Variants in LRMDA observed in about 807,000 individuals in gnomAD.
The protein encoded by LRMDA is leucine rich melanocyte differentiation associated.
A neutral mutation model predicts 29.8 loss-of-function variants in LRMDA; 18 were observed. The observed-to-expected ratio is 0.60, with a 90% CI of 0.42 to 0.90. LRMDA has a LOEUF of 0.90. Among genes scored for constraint, LRMDA ranks in the 40% least tolerant of loss-of-function variants. The pLI is 0.00. For missense variants in LRMDA, 273 were observed against 273.9 expected (o/e 1.00, Z 0.02); for synonymous variants, 125 against 109.4 (o/e 1.14, Z -0.89).
chr10:75,958,019 C>T (rs1429798897), intron 2 of LRMDA, among the ~76,000 whole-genome samples: 1 of 151,812 alleles, frequency 6.6e-6, no homozygotes, highest in African/African-American at 2.4e-5. Context: ...GTGCAGAGGG[C>T]AAAAAGGAGA....
chr10:76,220,324 C>T (rs1851807281), intron 5 of LRMDA, among the ~76,000 whole-genome samples: 1 of 151,988 alleles, frequency 6.6e-6, no homozygotes, highest in African/African-American at 2.4e-5. Context: ...TTAATGAATC[C>T]AGGAGCTGGT....
At chr10:76,054,623 T>G (rs1401334651) in intron 4 of LRMDA, among the ~76,000 whole-genome samples, 1 of 151,852 alleles carries the variant, frequency 6.6e-6, no homozygotes, top group African/African-American at 2.4e-5. Flanking sequence ...TTTCCCACCC[T>G]ACACTTAGTG....
intron 2 of LRMDA, among the ~76,000 whole-genome samples, chr10:75,877,228 T>A (rs1276146550): frequency 2.0e-5 from 3 of 152,226 alleles, no homozygotes; most frequent in African/African-American, 7.2e-5. Flanking sequence ...TACGTCCCCT[T>A]TCCTTAATGA....
chr10:76,015,064 T>C (rs1279979434), intron 2 of LRMDA, among the ~76,000 whole-genome samples: 2 of 152,230 alleles, frequency 1.3e-5, no homozygotes, highest in African/African-American at 4.8e-5. Context: ...TTCTTGTATC[T>C]TCAGTTAGTT....
chr10:75,961,291 C>A (rs1239466953), intron 2 of LRMDA, among the ~76,000 whole-genome samples: 2 of 152,198 alleles, frequency 1.3e-5, no homozygotes, highest in Non-Finnish European at 2.9e-5. Context: ...GATTTTATAG[C>A]ACCTGCATTT....
chr10:75,600,760 A>T (rs1840874088), intron 2 of LRMDA, among the ~76,000 whole-genome samples: 1 of 152,228 alleles, frequency 6.6e-6, no homozygotes, highest in Non-Finnish European at 1.5e-5. Context: ...TCAAATAAAA[A>T]ATCTAAAAGA....
chr10:76,036,624 A>C (rs1848251905), intron 3 of LRMDA, among the ~76,000 whole-genome samples: 1 of 152,154 alleles, frequency 6.6e-6, no homozygotes, highest in Non-Finnish European at 1.5e-5. Flanking sequence ...AAAGGAGCTA[A>C]GGTGGCAGAG....
intron 6 of LRMDA, among the ~76,000 whole-genome samples, chr10:76,349,754 T>G (rs1050049404): frequency 8.6e-5 from 13 of 151,742 alleles, no homozygotes; most frequent in African/African-American, 3.1e-4. Flanking sequence ...TCAATGGGAG[T>G]TGTGAATTAA....
intron 2 of LRMDA, among the ~76,000 whole-genome samples, chr10:75,975,147 G>T (rs1377157877): frequency 6.6e-6 from 1 of 152,244 alleles, no homozygotes; most frequent in Non-Finnish European, 1.5e-5. Flanking sequence ...GGTAGATGCT[G>T]TACCATAATT....
rs750170777 is a variant in LRMDA, at chr10:76,388,608, G to A, written c.601+64123G>A. ...ATGCATTCTAGTCAGCAAAGCAGAA[G>A]CTGCATCAGAAGTTTTTCTGACTTA... On this transcript the variant is annotated intron_variant, in intron 6 of 6. Coordinates refer to ENST00000611255, the MANE Select transcript of LRMDA (RefSeq NM_001305581.2). Among the ~76,000 whole-genome samples, 9 of 152,160 alleles carry A rather than the reference G, an allele frequency of 5.9e-5. 1 individual carries two copies. The South Asian group carries it at 1.7e-3, about 28-fold the overall frequency.
intron 6 of LRMDA, among the ~76,000 whole-genome samples, chr10:76,346,816 C>T (rs11001741): frequency 0.11 from 17,033 of 152,140 alleles, 1,565 homozygotes; most frequent in African/African-American, 0.25. Flanking sequence ...CTCCATGAGA[C>T]GCAAAACCAG....
intron 6 of LRMDA, among the ~76,000 whole-genome samples, chr10:76,414,380 A>G (rs1431289978): frequency 6.6e-6 from 1 of 152,238 alleles, no homozygotes; most frequent in Non-Finnish European, 1.5e-5. Context: ...TTATGAAGTT[A>G]TGGTGCTATA....
chr10:75,746,787 T>C (rs1443002630), intron 2 of LRMDA, among the ~76,000 whole-genome samples: 1 of 151,990 alleles, frequency 6.6e-6, no homozygotes, highest in Non-Finnish European at 1.5e-5. Flanking sequence ...TTAGGACACA[T>C]CCTAAAGGAA....
intron 2 of LRMDA, among the ~76,000 whole-genome samples, chr10:75,752,357 G>A (rs1285955187): frequency 2.6e-4 from 39 of 151,778 alleles, no homozygotes; most frequent in African/African-American, 4.8e-5. Context: ...GACTACAGGC[G>A]CCCGCCACCA....
chr10:76,028,818 C>CT (rs1237211316), intron 2 of LRMDA, among the ~76,000 whole-genome samples: 3,182 of 131,014 alleles, frequency 0.024, 206 homozygotes, highest in East Asian at 0.23. Flanking sequence ...TATTCAAAGC[C>CT]TTTTTTTTTT....
At chr10:76,340,206 G>A (rs993836423) in intron 6 of LRMDA, among the ~76,000 whole-genome samples, 3 of 152,074 alleles carry the variant, frequency 2.0e-5, no homozygotes, top group African/African-American at 4.8e-5. Flanking sequence ...ATATAAGGAT[G>A]ATGTTACTAG....
intron 2 of LRMDA, among the ~76,000 whole-genome samples, chr10:75,503,343 C>T (rs757129165): frequency 2.6e-5 from 4 of 152,094 alleles, no homozygotes; most frequent in Non-Finnish European, 5.9e-5. Context: ...GCTTCTCATG[C>T]TGGAGACTGT....
In LRMDA at chr10:76,144,189, C is replaced by T. The variant is rs1472005899; in HGVS notation, c.516+85406C>T. 5.3e-5 allele frequency among the ~76,000 whole-genome samples: 8 copies of T among 152,124 alleles called. No individual in the cohort carries two copies. In the East Asian group the frequency reaches 1.5e-3, roughly 29 times the overall value. ...TGGCGATGCGGGCTCTTTTTTGGTTCCATATGAACTTTAAAGTAGTTTTTT... is the reference window on the plus strand; with the variant it reads ...TGGCGATGCGGGCTCTTTTTTGGTTTCATATGAACTTTAAAGTAGTTTTTT... On this transcript the variant is annotated intron_variant, in intron 5 of 6. Transcript: ENST00000611255.
chr10:75,493,353 GT>G (rs1564785191), intron 2 of LRMDA, among the ~76,000 whole-genome samples: 6 of 147,822 alleles, frequency 4.1e-5, no homozygotes, highest in Admixed American at 6.7e-5. Flanking sequence ...GATTGGGTGT[GT>G]GTGTGTGTGT....
Sources: allele counts gnomAD v4.1 joint callset (sites outside exome capture counted in the v4.1 genomes callset), GRCh38; gene constraint gnomAD v4.1.1; transcripts MANE v1.5; gene names NCBI Gene and HGNC (gene_info 2026-07-23, HGNC 2026-07-21).